The following NPAS3 variants were observed in gnomAD, a reference collection of about 807,000 sequenced individuals.
NPAS3 encodes neuronal PAS domain-containing protein 3.
In NPAS3, 14 loss-of-function variants were observed where a neutral mutation model predicts 73.1. The observed-to-expected ratio is 0.19, with a 90% CI of 0.13 to 0.30. The LOEUF is 0.30. Among genes scored for constraint, NPAS3 ranks in the 10% least tolerant of loss-of-function variants. NPAS3 has a pLI of 1.00. For missense variants in NPAS3, 1,096 were observed against 1,250.0 expected (o/e 0.88, Z 1.86); for synonymous variants, 620 against 541.5 (o/e 1.14, Z -2.01).
intron 4 of NPAS3, among the ~76,000 whole-genome samples, chr14:33,438,376 G>A (rs1026801285): frequency 2.6e-5 from 4 of 152,166 alleles, no homozygotes; most frequent in Non-Finnish European, 4.4e-5. Flanking sequence ...AACGGAAGGC[G>A]AACTACTGCT....
rs569253989 is a variant in NPAS3 at position 33,416,657 on chromosome 14, T to C, written c.468+49389T>C. Among the ~76,000 whole-genome samples the C allele has an allele frequency of 2.0e-5, 3 of 152,172 alleles. No homozygotes were observed. The East Asian group carries it at 5.8e-4, about 29-fold the overall frequency. On this transcript the variant is annotated intron_variant, in intron 4 of 11. Coordinates refer to ENST00000356141, the Ensembl canonical transcript of NPAS3. ...TTCAAGGGAAAATATTTTAAAACTT[T>C]TATTTCTTGCTTAGCAAATGACAGT...
intron 4 of NPAS3, among the ~76,000 whole-genome samples, chr14:33,380,217 G>T (rs1271203609): frequency 1.3e-5 from 2 of 152,032 alleles, no homozygotes; most frequent in African/African-American, 4.8e-5. Flanking sequence ...GTACTTCATG[G>T]CTGATACATG....
rs191678865 is a variant in NPAS3 at position 33,193,547 on chromosome 14, C to T, written c.141-21635C>T. ...TAGAGGATGACATAGTGAGTGGAAG[C>T]AATTAAAGCTCAGACATTTTACAAT... is the stretch of plus-strand genomic sequence containing the variant. On this transcript the variant is annotated intron_variant, in intron 2 of 11. Coordinates refer to ENST00000356141, the Ensembl canonical transcript of NPAS3. Among the ~76,000 whole-genome samples, 11 of 152,238 alleles carry T rather than the reference C, an allele frequency of 7.2e-5. No individual in the cohort carries two copies. In the East Asian group the frequency reaches 1.2e-3, roughly 16 times the overall value.
At chr14:33,503,922 T>A (rs920248015) in intron 4 of NPAS3, among the ~76,000 whole-genome samples, 1 of 152,036 alleles carries the variant, frequency 6.6e-6, no homozygotes, top group African/African-American at 2.4e-5. Context: ...AGCTAATTGG[T>A]AGAAAGAATA....
chr14:33,137,468 G>A (rs1345564220), intron 2 of NPAS3, among the ~76,000 whole-genome samples: 3 of 152,148 alleles, frequency 2.0e-5, no homozygotes, highest in Non-Finnish European at 1.5e-5. Flanking sequence ...GAATTGTAAT[G>A]TATCTGTTGG....
intron 11 of NPAS3, among the ~76,000 whole-genome samples, chr14:33,798,051 A>G (rs992590644): frequency 2.0e-5 from 3 of 152,022 alleles, no homozygotes; most frequent in Non-Finnish European, 2.9e-5. Context: ...CTCGGCCTCT[A>G]CTAAAGGCAG....
intron 4 of NPAS3, among the ~76,000 whole-genome samples, chr14:33,481,482 T>G (rs1456495674): frequency 6.6e-6 from 1 of 152,224 alleles, no homozygotes; most frequent in Non-Finnish European, 1.5e-5. Context: ...GCTGGAAATT[T>G]ATTTTCACTT....
chr14:32,967,024 A>G (rs992975027), intron 1 of NPAS3, among the ~76,000 whole-genome samples: 21 of 152,170 alleles, frequency 1.4e-4, no homozygotes, highest in Non-Finnish European at 2.6e-4. Flanking sequence ...ACTACTATGC[A>G]TCTGACAAAG....
At chr14:33,195,836 G>A (rs1033258158) in intron 2 of NPAS3, among the ~76,000 whole-genome samples, 5 of 152,186 alleles carry the variant, frequency 3.3e-5, no homozygotes, top group African/African-American at 9.7e-5. Context: ...GGAAAGTCAG[G>A]TTGAATATTT....
chr14:33,319,232 T>G (rs2043335496), intron 3 of NPAS3, among the ~76,000 whole-genome samples: 1 of 152,106 alleles, frequency 6.6e-6, no homozygotes. Flanking sequence ...CCTGGCCATT[T>G]AAAGGCTAGG....
intron 4 of NPAS3, among the ~76,000 whole-genome samples, chr14:33,446,166 C>CTTTTT (rs71118544): frequency 8.6e-4 from 103 of 119,982 alleles, no homozygotes; most frequent in East Asian, 2.8e-3. Flanking sequence ...TTCATGCTTT[C>CTTTTT]TTTTTTTTTT....
chr14:33,797,479 C>T, exon 11 of NPAS3: 1 of 1,614,218 alleles, frequency 6.2e-7, no homozygotes, highest in Non-Finnish European at 8.5e-7. Context: ...CAAGGACACA[C>T]CCATGGACAT....
At chr14:33,686,402 C>T (rs1413843170) in intron 6 of NPAS3, among the ~76,000 whole-genome samples, 6 of 152,142 alleles carry the variant, frequency 3.9e-5, no homozygotes, top group Non-Finnish European at 8.8e-5. Flanking sequence ...CTAATGAAAA[C>T]ATTATTTTAT....
At chr14:33,079,282 C>T (rs945770203) in intron 2 of NPAS3, among the ~76,000 whole-genome samples, 1 of 151,092 alleles carries the variant, frequency 6.6e-6, no homozygotes, top group Non-Finnish European at 1.5e-5. Context: ...CTCATGTATA[C>T]ATATATTTTC....
At chr14:33,685,237 G>A (rs1044698615) in intron 6 of NPAS3, among the ~76,000 whole-genome samples, 1 of 152,202 alleles carries the variant, frequency 6.6e-6, no homozygotes, top group Admixed American at 6.5e-5. Flanking sequence ...GCGTGGTAAT[G>A]AGGATCAGGA....
intron 2 of NPAS3, among the ~76,000 whole-genome samples, chr14:33,126,134 TG>T (rs1192494360): frequency 1.3e-5 from 2 of 152,192 alleles, no homozygotes; most frequent in African/African-American, 4.8e-5. Context: ...TCTCTACTGG[TG>T]GTGCATTGTT....
intron 2 of NPAS3, among the ~76,000 whole-genome samples, chr14:33,199,700 C>T (rs1010725039): frequency 2.7e-5 from 4 of 148,284 alleles, no homozygotes; most frequent in Non-Finnish European, 3.0e-5. Context: ...GCCCCCTGCC[C>T]TTTTCCCCTC....
In NPAS3 at chr14:33,288,238, A is replaced by G. The variant is rs564974115; in HGVS notation, c.385+72812A>G. On this transcript the variant is annotated intron_variant, in intron 3 of 11. Transcript: ENST00000356141. ...AGTTCATGGTCTGCATTCTTTGTCA[A>G]CACTCTACATTGTCTTCTCATCTGC... 1.5e-4 allele frequency among the ~76,000 whole-genome samples: 23 copies of G among 152,210 alleles called. No homozygotes were observed. The South Asian group carries it at 4.1e-3, about 27-fold the overall frequency.
chr14:33,699,212 C>T (rs1477116230), intron 6 of NPAS3, among the ~76,000 whole-genome samples: 1 of 151,964 alleles, frequency 6.6e-6, no homozygotes, highest in Non-Finnish European at 1.5e-5. Flanking sequence ...TAGAAAATAT[C>T]AAACATTTAA....
Sources: allele counts gnomAD v4.1 joint callset (sites outside exome capture counted in the v4.1 genomes callset), GRCh38; gene constraint gnomAD v4.1.1; transcripts MANE v1.5; gene names NCBI Gene and HGNC (gene_info 2026-07-23, HGNC 2026-07-21).